The following SNAP23 variants were observed in gnomAD, a reference collection of about 807,000 sequenced individuals.
SNAP23 encodes synaptosomal-associated protein 23.
SNAP23 carries 11 observed loss-of-function variants against 29.0 expected under a neutral mutation model. That is an observed-to-expected ratio of 0.38 (90% CI 0.24 to 0.63). The LOEUF (loss-of-function observed/expected upper bound fraction) is 0.63, where lower values mean the gene tolerates loss of function less well. SNAP23 is among the 20% of genes least tolerant of loss of function. SNAP23 has a pLI of 0.58. For synonymous variants in SNAP23, 60 were observed against 82.9 expected (o/e 0.72, Z 1.50); for missense variants, 220 against 253.9 (o/e 0.87, Z 0.91).
At chr15:42,493,362 A>G (rs1023015732), upstream of SNAP23, among the ~76,000 whole-genome samples, 10 of 151,684 alleles carry the variant, frequency 6.6e-5, no homozygotes, top group African/African-American at 2.4e-4. Context: ...CTCTATATAT[A>G]TATACATATA....
intron 5 of SNAP23, among the ~76,000 whole-genome samples, chr15:42,524,641 G>C (rs565617283): frequency 6.6e-6 from 1 of 152,304 alleles, no homozygotes; most frequent in African/African-American, 2.4e-5. Context: ...TGGAAAAATA[G>C]TCTTCCATGA....
chr15:42,520,045 C>CTTTTTTTTTTTTTTTTTT (rs201577060), intron 5 of SNAP23, among the ~76,000 whole-genome samples: 1 of 92,980 alleles, frequency 1.1e-5, no homozygotes, highest in African/African-American at 4.9e-5. Context: ...AACCCCCTTG[C>CTTTTTTTTTTTTTTTTTT]TTTTTTTTTT....
At chr15:42,519,908 C>T (rs1036542842) in intron 5 of SNAP23, among the ~76,000 whole-genome samples, 6 of 152,062 alleles carry the variant, frequency 3.9e-5, no homozygotes, top group South Asian at 4.1e-4. Flanking sequence ...ATTTAAGGTA[C>T]TATTCTGAAC....
At chr15:42,516,839 C>T (rs1455268579) in intron 5 of SNAP23, among the ~76,000 whole-genome samples, 1 of 152,238 alleles carries the variant, frequency 6.6e-6, no homozygotes, top group Non-Finnish European at 1.5e-5. Flanking sequence ...AAAGGTTTGA[C>T]AGTGTTCTTC....
intron 5 of SNAP23, among the ~76,000 whole-genome samples, chr15:42,515,950 C>T (rs993227360): frequency 6.6e-6 from 1 of 152,068 alleles, no homozygotes; most frequent in Admixed American, 6.6e-5. Context: ...CAGGGAGGAA[C>T]AGTGAGGGCA....
At chr15:42,504,353 GTAAAA>G (rs908442618) in intron 1 of SNAP23, among the ~76,000 whole-genome samples, 10 of 151,766 alleles carry the variant, frequency 6.6e-5, no homozygotes, top group African/African-American at 1.4e-4. Flanking sequence ...ATAAAATAAA[GTAAAA>G]TAAAATAAAA....
At chr15:42,502,729 C>T (rs2057283881) in intron 1 of SNAP23, among the ~76,000 whole-genome samples, 2 of 152,136 alleles carry the variant, frequency 1.3e-5, no homozygotes, top group South Asian at 2.1e-4. Context: ...TCTTGAGCCC[C>T]GTTCTTATCT....
chr15:42,520,679 A>G (rs1247205216), intron 5 of SNAP23, among the ~76,000 whole-genome samples: 1 of 151,954 alleles, frequency 6.6e-6, no homozygotes, highest in Non-Finnish European at 1.5e-5. Context: ...TATTTTTAGT[A>G]GAGACGGGGT....
Position 42,515,242 on chromosome 15 carries a change from C to T in SNAP23, c.154C>T (p.Leu52=). ...ITMLDEQKEQ[L]NRIEEGLDQI... ...ACTTCACAACTTATTCTTAGAACAA[C>T]TAAACCGCATAGAAGAAGGCTTGGA... The change falls in exon 5 of 8, where the codon CTA becomes TTA. Residue 52 remains leucine (L), a synonymous_variant. Transcript: ENST00000249647. 1 of 1,589,926 alleles carries T rather than the reference C, an allele frequency of 6.3e-7. No individual in the cohort carries two copies. The highest frequency in any genetic ancestry group is 8.6e-7 in the Non-Finnish European group (1 of 1,167,950).
At chr15:42,519,034 TA>T (rs1250219906) in intron 5 of SNAP23, among the ~76,000 whole-genome samples, 47 of 150,272 alleles carry the variant, frequency 3.1e-4, no homozygotes, top group African/African-American at 1.1e-3. Flanking sequence ...GGTTTGTTTT[TA>T]AAAACTTTTG....
chr15:42,500,581 G>A (rs575270311), intron 1 of SNAP23, among the ~76,000 whole-genome samples: 6 of 151,930 alleles, frequency 3.9e-5, no homozygotes, highest in Non-Finnish European at 8.8e-5. Flanking sequence ...GGAGAAACGA[G>A]GTTTCACCAT....
At chr15:42,528,651 T>G (rs1238650353) in intron 6 of SNAP23, among the ~76,000 whole-genome samples, 1 of 152,188 alleles carries the variant, frequency 6.6e-6, no homozygotes, top group Non-Finnish European at 1.5e-5. Flanking sequence ...AGTGGCGTGA[T>G]CTCAGCTCAC....
At chr15:42,510,419 A>G (rs1157203632) in intron 1 of SNAP23, among the ~76,000 whole-genome samples, 1 of 152,166 alleles carries the variant, frequency 6.6e-6, no homozygotes, top group Non-Finnish European at 1.5e-5. Context: ...TCCAGTCATG[A>G]GCTACCACAC....
chr15:42,498,079 C>T lies in SNAP23; in HGVS notation c.-15+2366C>T, dbSNP rs148159672. ...TTGCAGGGTTCAGGCCCAGAGGCTGCTCTGCTGGGCTGGCATTGAGTGCCT... is the reference window on the plus strand; with the variant it reads ...TTGCAGGGTTCAGGCCCAGAGGCTGTTCTGCTGGGCTGGCATTGAGTGCCT... On this transcript the variant is annotated intron_variant, in intron 1 of 7. Coordinates refer to ENST00000249647, the MANE Select transcript of SNAP23 (RefSeq NM_003825.4). 1.2e-3 allele frequency among the ~76,000 whole-genome samples: 182 copies of T among 152,352 alleles called. 1 individual carries two copies. Among genetic ancestry groups the T allele is most frequent in the African/African-American group, 4.1e-3 (172 of 41,594 alleles).
chr15:42,519,833 T>C (rs1259231170), intron 5 of SNAP23, among the ~76,000 whole-genome samples: 1 of 152,100 alleles, frequency 6.6e-6, no homozygotes, highest in Non-Finnish European at 1.5e-5. Flanking sequence ...TATTTAATTA[T>C]GTGGTACTGT....
intron 6 of SNAP23, among the ~76,000 whole-genome samples, chr15:42,529,258 C>G (rs762443771): frequency 6.6e-6 from 1 of 152,164 alleles, no homozygotes; most frequent in Non-Finnish European, 1.5e-5. Context: ...TCCAACCTCT[C>G]TCTTAGGGCA....
At chr15:42,514,466 T>C (rs1281156152) in intron 4 of SNAP23, among the ~76,000 whole-genome samples, 1 of 152,056 alleles carries the variant, frequency 6.6e-6, no homozygotes, top group East Asian at 1.9e-4. Context: ...GTGATATTCT[T>C]ACATCATCCT....
intron 1 of SNAP23, among the ~76,000 whole-genome samples, chr15:42,501,285 C>A (rs906092901): frequency 1.3e-5 from 2 of 152,174 alleles, no homozygotes; most frequent in East Asian, 3.8e-4. Flanking sequence ...ACCACTGAAG[C>A]CTTACATTGT....
rs544642596 is a variant in SNAP23 at position 42,516,770 on chromosome 15, A to G, written c.266+1416A>G. Among the ~76,000 whole-genome samples, 194 of 152,366 alleles carry G rather than the reference A, an allele frequency of 1.3e-3. 2 individuals are homozygous for G. Among genetic ancestry groups the G allele is most frequent in the Middle Eastern group, 6.8e-3 (2 of 294 alleles). ...ACAACATTTTTATGCCATTTCTGTT[A>G]TAGAAAGTAGAGATTAATTGCTTGT... is the stretch of plus-strand genomic sequence containing the variant. On this transcript the variant is annotated intron_variant, in intron 5 of 7. Coordinates refer to ENST00000249647, the MANE Select transcript of SNAP23 (RefSeq NM_003825.4).
Sources: allele counts gnomAD v4.1 joint callset (sites outside exome capture counted in the v4.1 genomes callset), GRCh38; gene constraint gnomAD v4.1.1; transcripts MANE v1.5; gene names NCBI Gene and HGNC (gene_info 2026-07-23, HGNC 2026-07-21).